The following ZNF462 variants were observed in gnomAD, a reference collection of about 807,000 sequenced individuals.
ZNF462 encodes zinc finger PBX1-interacting protein.
Under a neutral mutation model 201.9 loss-of-function variants are expected in ZNF462, and 10 were observed. The observed-to-expected ratio is 0.05, with a 90% CI of 0.03 to 0.08. The LOEUF (loss-of-function observed/expected upper bound fraction) is 0.08. Among genes scored for constraint, ZNF462 ranks in the 10% least tolerant of loss-of-function variants. ZNF462 has a pLI of 1.00. For missense variants in ZNF462, 2,523 were observed against 3,168.3 expected (o/e 0.80, Z 4.89); for synonymous variants, 1,227 against 1,193.3 (o/e 1.03, Z -0.58).
chr9:106,874,309 GC>G (rs1044317752), intron 1 of ZNF462, among the ~76,000 whole-genome samples: 9 of 152,178 alleles, frequency 5.9e-5, no homozygotes, highest in Non-Finnish European at 1.0e-4. Flanking sequence ...TCAGAGAGCA[GC>G]CTGTCTCAAA....
intron 6 of ZNF462, among the ~76,000 whole-genome samples, chr9:106,937,062 A>G (rs1298035404): frequency 2.6e-5 from 4 of 152,094 alleles, no homozygotes; most frequent in African/African-American, 9.7e-5. Context: ...AAGACTCTTG[A>G]CTCATCTTGT....
intron 7 of ZNF462, among the ~76,000 whole-genome samples, chr9:106,965,656 A>G (rs888612138): frequency 6.6e-6 from 1 of 152,076 alleles, no homozygotes; most frequent in Non-Finnish European, 1.5e-5. Context: ...GCAGAAGGAG[A>G]TGTTTAGGGA....
intron 7 of ZNF462, among the ~76,000 whole-genome samples, chr9:106,959,839 G>A (rs1173478630): frequency 6.6e-6 from 1 of 152,034 alleles, no homozygotes; most frequent in Non-Finnish European, 1.5e-5. Flanking sequence ...CCAGCTTCTT[G>A]GAAATTTAAT....
intron 10 of ZNF462, among the ~76,000 whole-genome samples, chr9:106,994,439 C>A (rs1016855144): frequency 1.1e-4 from 17 of 152,084 alleles, no homozygotes; most frequent in Admixed American, 1.1e-3. Context: ...TCCAAAGATT[C>A]TTCCCAAATA....
Position 106,885,744 on chromosome 9 carries a change from C to T in ZNF462, c.-31+22389C>T, listed in dbSNP as rs944954838. ...GGCGTATGGTGCAGAGCTCATGCTA[C>T]CATCAAGACTTTAGAACAAGGACAA... is the stretch of plus-strand genomic sequence containing the variant. On this transcript the variant is annotated intron_variant, in intron 1 of 12. Transcript: ENST00000277225. This position sits in a 1 kb window ranked among gnomAD's most constrained non-coding sequence, Gnocchi z 4.1. Among the ~76,000 whole-genome samples the T allele has an allele frequency of 2.0e-5, 3 of 152,156 alleles. No individual in the cohort carries two copies. Among genetic ancestry groups the T allele is most frequent in the Non-Finnish European group, 4.4e-5 (3 of 68,030 alleles).
chr9:107,002,079 C>T (rs1263512072), intron 10 of ZNF462, among the ~76,000 whole-genome samples: 2 of 152,120 alleles, frequency 1.3e-5, no homozygotes, highest in African/African-American at 4.8e-5. Flanking sequence ...GAATTGGTGG[C>T]ATTCAGCAAA....
intron 7 of ZNF462, among the ~76,000 whole-genome samples, chr9:106,939,604 GGGATTTCTTACAGCTAAA>G (rs1830781421): frequency 6.6e-6 from 1 of 152,170 alleles, no homozygotes; most frequent in African/African-American, 2.4e-5. Flanking sequence ...GGGTGACATA[GGGATTTCTTACAGCTAAA>G]GGATGCTAAG....
intron 1 of ZNF462, among the ~76,000 whole-genome samples, chr9:106,915,504 T>G (rs1297504865): frequency 6.6e-6 from 1 of 152,200 alleles, no homozygotes; most frequent in African/African-American, 2.4e-5. Context: ...TTTAGAACAT[T>G]TCTAATTTTG....
In ZNF462 at chr9:106,913,193, G is replaced by T. The variant is rs1407027601; in HGVS notation, c.-30-10161G>T. 2.0e-5 allele frequency among the ~76,000 whole-genome samples: 3 copies of T among 152,226 alleles called. No individual in the cohort carries two copies. The highest frequency in any genetic ancestry group is 7.2e-5 in the African/African-American group (3 of 41,460). The stretch of plus-strand genomic sequence containing the variant: ...GACAAGTGGAAACTTAGAATTGCCA[G>T]TGGAGACTTAGAATTACTAGTGTCT... On this transcript the variant is annotated intron_variant, in intron 1 of 12. Coordinates refer to ENST00000277225, the MANE Select transcript of ZNF462 (RefSeq NM_021224.6). The surrounding 1 kb of genome is among the most constrained non-coding windows in gnomAD (Gnocchi z 4.1).
At chr9:107,007,301 G>T (rs755089588) in intron 11 of ZNF462, among the ~76,000 whole-genome samples, 2 of 152,190 alleles carry the variant, frequency 1.3e-5, no homozygotes, top group Non-Finnish European at 2.9e-5. Flanking sequence ...GTTGAGATGT[G>T]TGTGGTATAC....
chr9:106,945,391 A>G (rs1232857780), intron 7 of ZNF462, among the ~76,000 whole-genome samples: 3 of 152,180 alleles, frequency 2.0e-5, no homozygotes, highest in African/African-American at 7.2e-5. Context: ...TCAGATATCT[A>G]AATAGGTCAG....
At chr9:106,976,954 C>G (rs1827049055) in intron 9 of ZNF462, among the ~76,000 whole-genome samples, 1 of 152,158 alleles carries the variant, frequency 6.6e-6, no homozygotes, top group Admixed American at 6.5e-5. Context: ...CCTTTACCCA[C>G]CAGGCGTCAC....
At position 106,972,607 on chromosome 9, in the gene ZNF462, T is replaced by TG. The variant is rs1014526391; in HGVS notation, c.6695+337dup. 1.3e-5 allele frequency among the ~76,000 whole-genome samples: 2 copies of TG among 151,994 alleles called. No homozygotes were observed. Among genetic ancestry groups the TG allele is most frequent in the Non-Finnish European group, 2.9e-5 (2 of 68,000 alleles). Reference sequence around the variant, plus strand: ...CTGTCTCCTCTCCTTTTTTTAGCTTTGGAAAAAAAAGTATGTTCTTGGAAG... The same window carrying TG: ...CTGTCTCCTCTCCTTTTTTTAGCTTTGGGAAAAAAAAGTATGTTCTTGGAAG... On this transcript the variant is annotated intron_variant, in intron 8 of 12. Transcript: ENST00000277225. This position sits in a 1 kb window ranked among gnomAD's most constrained non-coding sequence, Gnocchi z 4.8.
intron 7 of ZNF462, among the ~76,000 whole-genome samples, chr9:106,943,946 A>G (rs1387422737): frequency 2.6e-5 from 4 of 152,124 alleles, no homozygotes; most frequent in African/African-American, 4.8e-5. Flanking sequence ...CTCTGACACA[A>G]TTACTCTGCC....
At chr9:106,936,082 A>G (rs1478357029) in intron 6 of ZNF462, among the ~76,000 whole-genome samples, 1 of 152,268 alleles carries the variant, frequency 6.6e-6, no homozygotes, top group Non-Finnish European at 1.5e-5. Context: ...TTCCGTACAT[A>G]AGACAGAAAT....
rs533196234 is a variant in ZNF462 at position 106,905,101 on chromosome 9, G to T, written c.-30-18253G>T. Among the ~76,000 whole-genome samples the T allele has an allele frequency of 6.6e-6, 1 of 152,164 alleles. No individual in the cohort carries two copies. The highest frequency in any genetic ancestry group is 1.5e-5 in the Non-Finnish European group (1 of 68,030). ...TGAAGACTGTTGTTCAGATTCTTTTGTCCCAAGGGGTGTTCCCTTGATGTG... is the reference window on the plus strand; with the variant it reads ...TGAAGACTGTTGTTCAGATTCTTTTTTCCCAAGGGGTGTTCCCTTGATGTG... On this transcript the variant is annotated intron_variant, in intron 1 of 12. Coordinates refer to ENST00000277225, the MANE Select transcript of ZNF462 (RefSeq NM_021224.6). This position sits in a 1 kb window ranked among gnomAD's most constrained non-coding sequence, Gnocchi z 5.9.
intron 10 of ZNF462, among the ~76,000 whole-genome samples, chr9:106,998,412 A>G (rs1828908446): frequency 6.6e-6 from 1 of 152,152 alleles, no homozygotes; most frequent in Non-Finnish European, 1.5e-5. Context: ...ACTTGATAAT[A>G]TTTGTAAATC....
rs146701673 is a variant in ZNF462, at chr9:106,924,764, T to G, written c.852T>G (p.Asn284Lys). The G allele has an allele frequency of 8.2e-5, 133 of 1,613,944 alleles. No homozygotes were observed. Among genetic ancestry groups the G allele is most frequent in the Non-Finnish European group, 1.1e-4 (128 of 1,180,044 alleles). The change falls in exon 3 of 13, where the codon AAT (asparagine) becomes AAG (lysine). Residue 284 changes from asparagine (N) to lysine (K), a missense_variant. By Grantham distance (94) the Asn-to-Lys change is moderately conservative. This residue lies in a region of ZNF462 where 480 missense variants were observed against 544.4 expected (regional missense o/e 0.88). Transcript: ENST00000277225. The surrounding 1 kb of genome is among the most constrained non-coding windows in gnomAD (Gnocchi z 6.2). ...SSLRQQQEGTNLPDVPNKSAP... is the reference protein window; with the variant it reads ...SSLRQQQEGTKLPDVPNKSAP... ...TCAGACAGCAACAAGAAGGAACTAA[T>G]CTACCTGATGTGCCGAACAAGAGTG... is the stretch of plus-strand genomic sequence containing the variant.
chr9:106,875,291 A>G (rs948648759), intron 1 of ZNF462, among the ~76,000 whole-genome samples: 1 of 152,146 alleles, frequency 6.6e-6, no homozygotes, highest in African/African-American at 2.4e-5. Flanking sequence ...AGAAATTCTT[A>G]AGTTTTTAGG....
Sources: allele counts gnomAD v4.1 joint callset (sites outside exome capture counted in the v4.1 genomes callset), GRCh38; gene constraint gnomAD v4.1.1; regional missense constraint gnomAD v4.1.1; non-coding constraint Gnocchi (gnomAD v3.1); transcripts MANE v1.5; gene names NCBI Gene and HGNC (gene_info 2026-07-23, HGNC 2026-07-21).